The following GHR variants were observed in gnomAD, a reference collection of about 807,000 sequenced individuals.
The protein encoded by GHR is GH receptor.
In GHR, 35 loss-of-function variants were observed where a neutral mutation model predicts 67.1. That is an observed-to-expected ratio of 0.52 (90% CI 0.40 to 0.69). The LOEUF (loss-of-function observed/expected upper bound fraction) is 0.69, where lower values mean the gene tolerates loss of function less well. Among genes scored for constraint, GHR ranks in the 30% least tolerant of loss-of-function variants. The pLI, the probability that GHR is intolerant of heterozygous loss-of-function variation, is 0.00. For synonymous variants in GHR, 272 were observed against 269.1 expected (o/e 1.01, Z -0.10); for missense variants, 792 against 764.6 (o/e 1.04, Z -0.42).
intron 1 of GHR, chr5:42,466,064 C>T: frequency 2.6e-6 from 1 of 390,492 alleles, no homozygotes; most frequent in South Asian, 2.9e-5. Flanking sequence ...TTCCTCTATC[C>T]AGGAAGGGGG....
In GHR at chr5:42,659,817, C is replaced by T. The variant is rs1248870994; in HGVS notation, c.137-29073C>T. 5.9e-5 allele frequency among the ~76,000 whole-genome samples: 9 copies of T among 151,992 alleles called. 1 individual carries two copies. The highest frequency in any genetic ancestry group is 9.7e-5 in the African/African-American group (4 of 41,382). ...AAGCAGGGTGAGGCATTGCCTCACT[C>T]AGGAAGCGCAAGGGGACAGGGAGTT... is the stretch of plus-strand genomic sequence containing the variant. On this transcript the variant is annotated intron_variant, in intron 3 of 9. Transcript: ENST00000230882.
intron 1 of GHR, among the ~76,000 whole-genome samples, chr5:42,549,044 T>C (rs528779110): frequency 6.6e-6 from 1 of 152,344 alleles, no homozygotes; most frequent in South Asian, 2.1e-4. Context: ...GATACCACAA[T>C]TGCATGTTTA....
Position 42,451,702 on chromosome 5 carries a change from C to CAAA in GHR, c.-12+27762_-12+27764dup, listed in dbSNP as rs35883387. Reference sequence around the variant, plus strand: ...CTTGGGCAACAGAGCAAGACTCTGTCAAAAAAAAAAAAAAAAACCTACTCC... The same window carrying CAAA: ...CTTGGGCAACAGAGCAAGACTCTGTCAAAAAAAAAAAAAAAAAAAACCTACTCC... On this transcript the variant is annotated intron_variant, in intron 1 of 9. Coordinates refer to ENST00000230882, the MANE Select transcript of GHR (RefSeq NM_000163.5). Among the ~76,000 whole-genome samples, 1,128 of 122,952 alleles carry CAAA rather than the reference C, an allele frequency of 9.2e-3. 24 individuals are homozygous for CAAA. The highest frequency in any genetic ancestry group is 0.029 in the African/African-American group (1,011 of 34,362). 80.7% of individuals were successfully genotyped at this position (122,952 alleles called of 152,430 possible). A position where few individuals can be genotyped will look rare whatever the true frequency, so the allele number is the denominator to read the frequency against.
intron 1 of GHR, among the ~76,000 whole-genome samples, chr5:42,563,523 C>T (rs2112466779): frequency 6.9e-6 from 1 of 145,982 alleles, no homozygotes. Context: ...GAGGCTGAGG[C>T]AGGAGAATGG....
chr5:42,657,722 G>A (rs1755332411), intron 3 of GHR, among the ~76,000 whole-genome samples: 1 of 152,106 alleles, frequency 6.6e-6, no homozygotes, highest in African/African-American at 2.4e-5. Flanking sequence ...TAAGTCTACA[G>A]TAACATACTG....
intron 3 of GHR, among the ~76,000 whole-genome samples, chr5:42,635,145 T>C (rs1168330882): frequency 6.6e-6 from 1 of 152,186 alleles, no homozygotes; most frequent in East Asian, 1.9e-4. Flanking sequence ...TAAGTAAACA[T>C]AGATTCTTGC....
At chr5:42,693,474 G>A (rs1289647588) in intron 4 of GHR, among the ~76,000 whole-genome samples, 31 of 152,070 alleles carry the variant, frequency 2.0e-4, no homozygotes, top group Admixed American at 2.0e-3. Context: ...AACCAAAGCA[G>A]CAATTCACTG....
chr5:42,620,021 A>G (rs1359739886), intron 2 of GHR, among the ~76,000 whole-genome samples: 1 of 152,138 alleles, frequency 6.6e-6, no homozygotes, highest in Non-Finnish European at 1.5e-5. Flanking sequence ...AAAACCAGAC[A>G]AATGCATTCA....
At chr5:42,475,449 A>G (rs1453002466) in intron 1 of GHR, among the ~76,000 whole-genome samples, 1 of 152,148 alleles carries the variant, frequency 6.6e-6, no homozygotes. Flanking sequence ...TTTTATAAAA[A>G]TTGCAAAACA....
chr5:42,686,885 A>G lies in GHR; in HGVS notation c.137-2005A>G, dbSNP rs141685485. On this transcript the variant is annotated intron_variant, in intron 3 of 9. Transcript: ENST00000230882. ...TTCAATTAGGAAAAGAGGAAATTCA[A>G]TTGTCTCTGTTTGCAGATGACATGA... 2.3e-4 allele frequency among the ~76,000 whole-genome samples: 35 copies of G among 152,318 alleles called. 5 individuals carry two copies. Among genetic ancestry groups the G allele is most frequent in the African/African-American group, 8.2e-4 (34 of 41,562 alleles).
At position 42,713,481 on chromosome 5, in the gene GHR, A is replaced by G. The variant is rs780025599; in HGVS notation, c.837A>G (p.Thr279=). 4.0e-6 allele frequency: 6 copies of G among 1,502,528 alleles called. No homozygotes were observed. In the South Asian group the frequency reaches 4.5e-5, roughly 11 times the overall value. 93.1% of individuals were successfully genotyped at this position (1,502,528 alleles called of 1,614,324 possible). Residue 279 remains threonine, a synonymous_variant, in exon 8 of 10, where the codon ACA becomes ACG. Transcript: ENST00000230882. ...TTATCTTTGGAATATTTGGGCTAAC[A>G]GTGATGCTATTTGTATTCTTATTTT... ...LIIIFGIFGL[T]VMLFVFLFSK... is the part of the protein sequence containing the mutation.
chr5:42,684,633 G>A (rs1293837911), intron 3 of GHR, among the ~76,000 whole-genome samples: 1 of 152,112 alleles, frequency 6.6e-6, no homozygotes, highest in South Asian at 2.1e-4. Flanking sequence ...TTCTGAGAGG[G>A]GTTGGTAAAC....
chr5:42,477,738 T>A (rs1480776699), intron 1 of GHR, among the ~76,000 whole-genome samples: 7 of 152,342 alleles, frequency 4.6e-5, no homozygotes, highest in Non-Finnish European at 7.3e-5. Context: ...TTGTTTGTTT[T>A]TTTCTTGTAA....
chr5:42,633,053 T>A (rs1754005903), intron 3 of GHR, among the ~76,000 whole-genome samples: 1 of 152,222 alleles, frequency 6.6e-6, no homozygotes, highest in South Asian at 2.1e-4. Flanking sequence ...GCAGAAGATT[T>A]GTTGGGCCAA....
chr5:42,708,220 T>G (rs916731359), intron 6 of GHR, among the ~76,000 whole-genome samples: 1 of 152,190 alleles, frequency 6.6e-6, no homozygotes, highest in African/African-American at 2.4e-5. Flanking sequence ...CACAATTATG[T>G]GAAAAGTTTA....
intron 8 of GHR, among the ~76,000 whole-genome samples, chr5:42,716,769 A>T (rs1758744642): frequency 6.6e-6 from 1 of 152,184 alleles, no homozygotes; most frequent in South Asian, 2.1e-4. Context: ...TATAAAATGG[A>T]TTTTTGCTTA....
intron 1 of GHR, among the ~76,000 whole-genome samples, chr5:42,438,076 C>T (rs1429453703): frequency 6.6e-6 from 1 of 152,154 alleles, no homozygotes; most frequent in Admixed American, 6.5e-5. Context: ...TATGTATTCT[C>T]TACTTGTGGA....
intron 1 of GHR, among the ~76,000 whole-genome samples, chr5:42,449,986 A>G (rs543291817): frequency 6.6e-6 from 1 of 152,082 alleles, no homozygotes; most frequent in South Asian, 2.1e-4. Flanking sequence ...CTATATCCCT[A>G]GTATGAAACC....
chr5:42,719,463 A>G lies in GHR; in HGVS notation c.*39A>G. The G allele has an allele frequency of 1.3e-6, 2 of 1,592,578 alleles. No homozygotes were observed. The highest frequency in any genetic ancestry group is 1.7e-6 in the Non-Finnish European group (2 of 1,168,272). On this transcript the variant is annotated 3_prime_UTR_variant, in exon 10 of 10. Coordinates refer to ENST00000230882, the MANE Select transcript of GHR (RefSeq NM_000163.5). ...TCCCAAGAGCTACGTATTTAATAGC[A>G]AAGAATTGACTGGGGCAATAACGTT...
Sources: gnomAD v4.1 joint callset for allele counts (sites outside exome capture counted in the v4.1 genomes callset) on GRCh38, gnomAD v4.1.1 for gene constraint, MANE v1.5 for transcripts, NCBI Gene and HGNC (gene_info 2026-07-23, HGNC 2026-07-21) for gene names.